KCTD8: variants seen among roughly 807,000 people sequenced by gnomAD.
The protein encoded by KCTD8 is potassium channel tetramerization domain containing 8.
A neutral mutation model predicts 31.5 loss-of-function variants in KCTD8; 27 were observed. The ratio of observed to expected loss-of-function variants is 0.86; its 90% confidence interval spans 0.63 to 1.18. KCTD8 has a LOEUF of 1.18. KCTD8 is among the 50% of genes most tolerant of loss of function. The pLI is 0.00. For synonymous variants in KCTD8, 290 were observed against 280.0 expected, an observed-to-expected ratio of 1.04 and a Z score of -0.36; for missense variants, 658 against 647.7, an observed-to-expected ratio of 1.02 and a Z score of -0.17.
At chr4:44,310,272 T>G (rs971250471) in intron 1 of KCTD8, among the ~76,000 whole-genome samples, 1 of 152,114 alleles carries the variant, frequency 6.6e-6, no homozygotes, top group Non-Finnish European at 1.5e-5. Flanking sequence ...ACTTCACGCA[T>G]AATCTAATTT....
At chr4:44,280,730 T>C (rs886227210) in intron 1 of KCTD8, among the ~76,000 whole-genome samples, 4 of 152,080 alleles carry the variant, frequency 2.6e-5, no homozygotes, top group African/African-American at 9.7e-5. Context: ...TACACTCTTT[T>C]CATTATGATC....
chr4:44,215,018 G>T (rs1382717703), intron 1 of KCTD8, among the ~76,000 whole-genome samples: 4 of 152,070 alleles, frequency 2.6e-5, no homozygotes, highest in Non-Finnish European at 5.9e-5. Flanking sequence ...TAGTCTTGTG[G>T]CCCCCACCCA....
At chr4:44,177,538 G>T (rs191703920) in intron 1 of KCTD8, among the ~76,000 whole-genome samples, 1 of 152,132 alleles carries the variant, frequency 6.6e-6, no homozygotes, top group Admixed American at 6.5e-5. Context: ...TTGAATCATG[G>T]GGTTGGGTCT....
chr4:44,446,104 T>A (rs1479545151), intron 1 of KCTD8, among the ~76,000 whole-genome samples: 2 of 152,156 alleles, frequency 1.3e-5, no homozygotes, highest in Non-Finnish European at 2.9e-5. Flanking sequence ...CAGCATTACT[T>A]TAAAAAGTAG....
chr4:44,277,012 A>G (rs987766489), intron 1 of KCTD8, among the ~76,000 whole-genome samples: 2 of 151,964 alleles, frequency 1.3e-5, no homozygotes, highest in African/African-American at 4.8e-5. Context: ...CTCTATCTGT[A>G]ATTTGGAAAT....
intron 1 of KCTD8, among the ~76,000 whole-genome samples, chr4:44,180,857 G>A (rs893029199): frequency 2.0e-5 from 3 of 152,040 alleles, no homozygotes; most frequent in Non-Finnish European, 4.4e-5. Flanking sequence ...TTTCCAAGCT[G>A]TAAAATTCTG....
rs1219659199 is a variant in KCTD8 at position 44,187,539 on chromosome 4, T to C, written c.962-12289A>G. Among the ~76,000 whole-genome samples, 6 of 152,246 alleles carry C rather than the reference T, an allele frequency of 3.9e-5. No homozygotes were observed. In the East Asian group the frequency reaches 1.2e-3, roughly 29 times the overall value. ...AATCTACCATTCTTTATCACTGACA[T>C]TGGCAAAGTTGTTTTTCACATGCCC... On this transcript the variant is annotated intron_variant, in intron 1 of 1. Coordinates refer to ENST00000360029, the MANE Select transcript of KCTD8 (RefSeq NM_198353.3).
chr4:44,314,612 T>C (rs1276785362), intron 1 of KCTD8, among the ~76,000 whole-genome samples: 1 of 152,108 alleles, frequency 6.6e-6, no homozygotes, highest in Non-Finnish European at 1.5e-5. Context: ...TTTTTATGGA[T>C]ATCTCACTGG....
chr4:44,290,356 C>A (rs1193026421), intron 1 of KCTD8, among the ~76,000 whole-genome samples: 1 of 152,056 alleles, frequency 6.6e-6, no homozygotes, highest in Non-Finnish European at 1.5e-5. Context: ...GATAGCCACA[C>A]AATAATAGTA....
intron 1 of KCTD8, among the ~76,000 whole-genome samples, chr4:44,260,154 A>C (rs1019516102): frequency 1.3e-5 from 2 of 151,720 alleles, no homozygotes; most frequent in African/African-American, 4.8e-5. Context: ...AAAAAAAAAC[A>C]ATTATTAAAA....
chr4:44,426,091 TAA>T (rs10591002), intron 1 of KCTD8, among the ~76,000 whole-genome samples: 24,616 of 151,254 alleles, frequency 0.16, 2,183 homozygotes, highest in Non-Finnish European at 0.2. Flanking sequence ...AGAAAAATTA[TAA>T]GAGAATTTAA....
intron 1 of KCTD8, among the ~76,000 whole-genome samples, chr4:44,375,599 C>T: frequency 6.6e-6 from 1 of 152,084 alleles, no homozygotes; most frequent in African/African-American, 2.4e-5. Context: ...TTCTCTTGAG[C>T]TCACCTGGAT....
At chr4:44,384,906 A>G (rs368577707) in intron 1 of KCTD8, among the ~76,000 whole-genome samples, 19 of 151,864 alleles carry the variant, frequency 1.3e-4, no homozygotes, top group African/African-American at 4.6e-4. Flanking sequence ...TATCCGCATA[A>G]ATATGTATTA....
intron 1 of KCTD8, among the ~76,000 whole-genome samples, chr4:44,253,626 T>A (rs1284937049): frequency 6.6e-6 from 1 of 151,720 alleles, no homozygotes; most frequent in Non-Finnish European, 1.5e-5. Context: ...CAAGCACAAA[T>A]GGATATAGAG....
intron 1 of KCTD8, among the ~76,000 whole-genome samples, chr4:44,352,685 T>A (rs904446084): frequency 2.0e-5 from 3 of 151,664 alleles, no homozygotes; most frequent in Non-Finnish European, 4.4e-5. Context: ...ATATCCATAA[T>A]CTAAAGGTAG....
intron 1 of KCTD8, among the ~76,000 whole-genome samples, chr4:44,254,848 T>C (rs570231937): frequency 2.2e-4 from 33 of 151,982 alleles, no homozygotes; most frequent in African/African-American, 7.7e-4. Context: ...ATTTATTTAG[T>C]CATGATTGGA....
At chr4:44,186,599 C>T (rs1404757599) in intron 1 of KCTD8, among the ~76,000 whole-genome samples, 1 of 152,192 alleles carries the variant, frequency 6.6e-6, no homozygotes, top group African/African-American at 2.4e-5. Flanking sequence ...CACCCCTAGA[C>T]GCTGCTGTGG....
chr4:44,269,124 T>C (rs1201750418), intron 1 of KCTD8, among the ~76,000 whole-genome samples: 2 of 152,204 alleles, frequency 1.3e-5, no homozygotes, highest in East Asian at 3.9e-4. Context: ...GGCATCATGC[T>C]ACCTGACTTC....
At chr4:44,284,519 C>T (rs1716999130) in intron 1 of KCTD8, among the ~76,000 whole-genome samples, 2 of 152,196 alleles carry the variant, frequency 1.3e-5, no homozygotes, top group South Asian at 4.1e-4. Flanking sequence ...CACAAAAATC[C>T]TAGAAGAAAA....
Sources: gnomAD v4.1 joint callset for allele counts (sites outside exome capture counted in the v4.1 genomes callset) on GRCh38, gnomAD v4.1.1 for gene constraint, MANE v1.5 for transcripts, NCBI Gene and HGNC (gene_info 2026-07-23, HGNC 2026-07-21) for gene names.